Variants in CCN3 observed in about 807,000 individuals in gnomAD.
The protein encoded by CCN3 is cellular communication network factor 3.
A neutral mutation model predicts 33.4 loss-of-function variants in CCN3; 20 were observed. The observed-to-expected ratio is 0.60, with a 90% CI of 0.42 to 0.87. The LOEUF (loss-of-function observed/expected upper bound fraction) is 0.87. Among genes scored for constraint, CCN3 ranks in the 40% least tolerant of loss-of-function variants. The probability of loss-of-function intolerance (pLI) is 0.00; values close to 1 mark genes in which losing one functional copy is unlikely to be tolerated. For missense variants in CCN3, 465 were observed against 455.3 expected, an observed-to-expected ratio of 1.02 and a Z score of -0.19; for synonymous variants, 205 against 170.4, an observed-to-expected ratio of 1.20 and a Z score of -1.58.
intron 1 of CCN3, 41 bp downstream of exon 1, chr8:119,416,657 C>T: frequency 6.2e-7 from 1 of 1,601,184 alleles, no homozygotes; most frequent in Non-Finnish European, 8.5e-7. Context: ...GTTACTTTGC[C>T]CGCCTTGGTG....
chr8:119,419,443 G>A, intron 4 of CCN3, 98 bp downstream of exon 4: 1 of 1,246,802 alleles, frequency 8.0e-7, no homozygotes, highest in Non-Finnish European at 1.1e-6. Context: ...GTGACGGAGA[G>A]AGCAGCTATA....
chr8:119,419,268 C>A lies in CCN3; in HGVS notation c.700C>A (p.Gln234Lys). 12 of 1,614,208 alleles carry A rather than the reference C, an allele frequency of 7.4e-6. No homozygotes were observed. Among genetic ancestry groups the A allele is most frequent in the Non-Finnish European group, 8.5e-6 (10 of 1,180,046 alleles). ...FSTRVTNRNR[Q>K]CEMLKQTRLC... ...CACCCGGGTCACCAATAGGAACCGT[C>A]AATGTGAGATGCTGAAACAGACTCG... Residue 234 changes from glutamine (Q) to lysine (K), a missense_variant, in exon 4 of 5, where the codon CAA becomes AAA. By Grantham distance (53) the Gln-to-Lys change is moderately conservative (BLOSUM62 1). Coordinates refer to ENST00000259526, the MANE Select transcript of CCN3 (RefSeq NM_002514.4).
At position 119,418,058 on chromosome 8, in the gene CCN3, C is replaced by A. The variant is rs199506335; in HGVS notation, c.311C>A (p.Ala104Glu). Residue 104 changes from alanine to glutamate, a missense_variant and splice_region_variant, in exon 3 of 5, where the codon GCG becomes GAG. Physicochemically the swap from Ala to Glu is moderately radical, Grantham distance 107. Coordinates refer to ENST00000259526, the MANE Select transcript of CCN3 (RefSeq NM_002514.4). ...TCACTTTGCTTCCCCAATATTCTAG[C>A]GGTAGAGGGAGATAACTGTGTGTTC... ...DPSNQTGICT[A>E]VEGDNCVFDG... The A allele has an allele frequency of 6.2e-7, 1 of 1,607,492 alleles. No homozygotes were observed. Among genetic ancestry groups the A allele is most frequent in the Non-Finnish European group, 8.5e-7 (1 of 1,174,724 alleles).
intron 2 of CCN3, 35 bp downstream of exon 2, chr8:119,417,004 C>T (rs1563615676): frequency 6.4e-7 from 1 of 1,552,292 alleles, no homozygotes; most frequent in East Asian, 2.3e-5. Flanking sequence ...GACCTCTTCT[C>T]CTGCAGCTAA....
At position 119,416,652 on chromosome 8, in the gene CCN3, T is replaced by G. The variant is rs117549528; in HGVS notation, c.84+36T>G. On this transcript the variant is annotated intron_variant, in intron 1 of 4. Coordinates refer to ENST00000259526, the MANE Select transcript of CCN3 (RefSeq NM_002514.4). ...CACCCTTAAGATGCCCCCAAGTTAC[T>G]TTGCCCGCCTTGGTGGCCCCCATTT... 1,259 of 1,604,156 alleles carry G rather than the reference T, an allele frequency of 7.8e-4. 34 individuals are homozygous for G. The East Asian group carries it at 0.028, about 36-fold the overall frequency.
chr8:119,416,458 A>AG lies in CCN3; in HGVS notation c.-70dup. On this transcript the variant is annotated 5_prime_UTR_variant, in exon 1 of 5. Coordinates refer to ENST00000259526, the MANE Select transcript of CCN3 (RefSeq NM_002514.4). ...GGGCGTGATCGGCAAGCACCGGACC[A>AG]GGGGGAAGGCGAGCAGTGCCAATCT... 1 of 1,414,876 alleles carries AG rather than the reference A, an allele frequency of 7.1e-7. No individual in the cohort carries two copies. 87.6% of individuals were successfully genotyped at this position (1,414,876 alleles called of 1,614,324 possible).
intron 1 of CCN3, 35 bp from the exon 2 acceptor site, chr8:119,416,708 AG>A: frequency 6.3e-7 from 1 of 1,576,776 alleles, no homozygotes; most frequent in South Asian, 1.1e-5. Flanking sequence ...CTTCTGTCCC[AG>A]CTGAGTGGTT....
At chr8:119,416,664 G>A (rs1165383327) in intron 1 of CCN3, 48 bp downstream of exon 1, 1 of 1,598,148 alleles carries the variant, frequency 6.3e-7, no homozygotes, top group African/African-American at 1.3e-5. Context: ...TGCCCGCCTT[G>A]GTGGCCCCCA....
chr8:119,417,228 A>C, intron 2 of CCN3: 1 of 457,726 alleles, frequency 2.2e-6, no homozygotes. Flanking sequence ...ACAAGAATCT[A>C]AGCAAAGGGG....
intron 4 of CCN3, among the ~76,000 whole-genome samples, chr8:119,421,218 C>A (rs1039461530): frequency 1.3e-5 from 2 of 152,072 alleles, no homozygotes; most frequent in South Asian, 2.1e-4. Flanking sequence ...ACCATGTTAG[C>A]CAGGATGATC....
At chr8:119,419,496 G>T (rs1820096576) in intron 4 of CCN3, 151 bp downstream of exon 4, 2 of 684,670 alleles carry the variant, frequency 2.9e-6, no homozygotes, top group Non-Finnish European at 4.9e-6. Flanking sequence ...GGTTCTTGAA[G>T]CCAGCCTATC....
chr8:119,418,977 T>C (rs758468674), intron 3 of CCN3, among the ~76,000 whole-genome samples, 154 bp from the exon 4 acceptor site: 2 of 152,182 alleles, frequency 1.3e-5, no homozygotes, highest in Non-Finnish European at 2.9e-5. Context: ...AATAAATAAA[T>C]AGATAAATAA....
At chr8:119,418,534 G>A (rs1820083569) in intron 3 of CCN3, among the ~76,000 whole-genome samples, 1 of 152,148 alleles carries the variant, frequency 6.6e-6, no homozygotes, top group Non-Finnish European at 1.5e-5. Flanking sequence ...TTCTCCTGAA[G>A]AGGACCTCCC....
At position 119,416,900 on chromosome 8, in the gene CCN3, T is replaced by G; in HGVS notation, c.241T>G (p.Cys81Gly). 1 of 1,613,988 alleles carries G rather than the reference T, an allele frequency of 6.2e-7. No homozygotes were observed. Among genetic ancestry groups the G allele is most frequent in the Non-Finnish European group, 8.5e-7 (1 of 1,180,022 alleles). Residue 81 changes from cysteine (C) to glycine (G), a missense_variant, in exon 2 of 5, where the codon TGC (cysteine) becomes GGC (glycine). By Grantham distance (159) the Cys-to-Gly change is radical. Transcript: ENST00000259526. ...RGESCSDLEP[C>G]DESSGLYCDR... is the part of the protein sequence containing the mutation. ...CGAGAGCTGCTCAGATCTGGAGCCA[T>G]GCGACGAGAGCAGTGGCCTCTACTG...
chr8:119,420,717 A>G (rs1487924943), intron 4 of CCN3, among the ~76,000 whole-genome samples: 1 of 152,228 alleles, frequency 6.6e-6, no homozygotes, highest in Non-Finnish European at 1.5e-5. Context: ...TGACAAGAAT[A>G]CACGCTAAAT....
chr8:119,419,131 C>T lies in CCN3; in HGVS notation c.563C>T (p.Ala188Val), dbSNP rs758892100. ...EDSLGGLTLA[A>V]YRPEATLGVE... The stretch of plus-strand genomic sequence containing the variant: ...CTGTCTTTATTTATACATCCCATAG[C>T]TTACAGGCCAGAAGCCACCCTAGGA... Residue 188 changes from alanine to valine, a missense_variant and splice_region_variant, in exon 4 of 5, where the codon GCT becomes GTT. Ala to Val is a moderately conservative substitution (Grantham distance 64). Transcript: ENST00000259526. 2.5e-6 allele frequency: 4 copies of T among 1,613,026 alleles called. No homozygotes were observed. The Admixed American group carries it at 6.7e-5, about 27-fold the overall frequency.
chr8:119,418,162 G>A lies in CCN3; in HGVS notation c.415G>A (p.Gly139Ser), dbSNP rs769023191. The A allele has an allele frequency of 1.9e-6, 3 of 1,614,098 alleles. No homozygotes were observed. The highest frequency in any genetic ancestry group is 2.7e-5 in the African/African-American group (2 of 74,932). The change falls in exon 3 of 5, where the codon GGC becomes AGC. Residue 139 changes from glycine to serine, a missense_variant. Coordinates refer to ENST00000259526, the MANE Select transcript of CCN3 (RefSeq NM_002514.4). ...FQCTCRDGQI[G>S]CVPRCQLDVL... Reference sequence around the variant, plus strand: ...GTGCACCTGCAGAGATGGGCAGATTGGCTGTGTGCCCCGCTGTCAGCTGGA... The same window carrying A: ...GTGCACCTGCAGAGATGGGCAGATTAGCTGTGTGCCCCGCTGTCAGCTGGA...
Position 119,418,271 on chromosome 8 carries a change from CA to C in CCN3, c.525del (p.Asp176MetfsTer20). 2 of 1,614,102 alleles carry C rather than the reference CA, an allele frequency of 1.2e-6. No individual in the cohort carries two copies. Among genetic ancestry groups the C allele is most frequent in the Non-Finnish European group, 1.7e-6 (2 of 1,180,030 alleles). ...TGCTGTGAAAAGTGGATCTGTGGCC[CA>C]GATGAGGAGGATTCACTGGGAGGCC... ...GECCEKWICG[P>X]DEEDSLGGLT... On this transcript the variant is annotated frameshift_variant, in exon 3 of 5. Coordinates refer to ENST00000259526, the MANE Select transcript of CCN3 (RefSeq NM_002514.4). LOFTEE classifies it high-confidence loss of function.
rs757006520 is a variant in CCN3 at position 119,416,899 on chromosome 8, A to T, written c.240A>T (p.Pro80=). ...QRGESCSDLE[P]CDESSGLYCD... is the part of the protein sequence containing the mutation. ...GCGAGAGCTGCTCAGATCTGGAGCC[A>T]TGCGACGAGAGCAGTGGCCTCTACT... Residue 80 remains proline, a synonymous_variant, in exon 2 of 5, where the codon CCA becomes CCT. Transcript: ENST00000259526. 5.0e-6 allele frequency: 8 copies of T among 1,613,884 alleles called. No homozygotes were observed. The highest frequency in any genetic ancestry group is 6.8e-6 in the Non-Finnish European group (8 of 1,180,042).
Sources: allele counts gnomAD v4.1 joint callset (sites outside exome capture counted in the v4.1 genomes callset), GRCh38; gene constraint gnomAD v4.1.1; transcripts MANE v1.5; gene names NCBI Gene and HGNC (gene_info 2026-07-23, HGNC 2026-07-21).